The following ABL1 variants were observed in gnomAD, a reference collection of about 807,000 sequenced individuals.
ABL1 encodes tyrosine-protein kinase ABL1.
A neutral mutation model predicts 94.7 loss-of-function variants in ABL1; 11 were observed. The ratio of observed to expected loss-of-function variants is 0.12; its 90% confidence interval spans 0.07 to 0.19. The LOEUF (loss-of-function observed/expected upper bound fraction) is 0.19. Among genes scored for constraint, ABL1 ranks in the 10% least tolerant of loss-of-function variants. ABL1 has a pLI of 1.00. For missense variants in ABL1, 1,082 were observed against 1,489.4 expected (o/e 0.73, Z 4.50); for synonymous variants, 656 against 622.4 (o/e 1.05, Z -0.80).
At chr9:130,820,494 G>A (rs761996988) in intron 1 of ABL1, among the ~76,000 whole-genome samples, 1 of 152,142 alleles carries the variant, frequency 6.6e-6, no homozygotes, top group African/African-American at 2.4e-5. Flanking sequence ...ACCCAGTCTT[G>A]ATCATCTCAT....
chr9:130,810,495 C>T (rs982044880), intron 1 of ABL1, among the ~76,000 whole-genome samples: 1 of 150,546 alleles, frequency 6.6e-6, no homozygotes, highest in Non-Finnish European at 1.5e-5. Flanking sequence ...GATTCCGTCT[C>T]CACAAAAAAG....
chr9:130,713,997 A>T, exon 1 of ABL1: 2 of 276,116 alleles, frequency 7.2e-6, no homozygotes, highest in Non-Finnish European at 1.4e-5. Context: ...ATCCCCTGTG[A>T]ATATTTCTGT....
chr9:130,880,734 T>C lies in ABL1; in HGVS notation c.1678+70T>C. The C allele has an allele frequency of 2.6e-6, 4 of 1,555,118 alleles. No individual in the cohort carries two copies. Among genetic ancestry groups the C allele is most frequent in the Non-Finnish European group, 2.6e-6 (3 of 1,149,088 alleles). On this transcript the variant is annotated intron_variant, in intron 10 of 10. Coordinates refer to ENST00000318560, the MANE Select transcript of ABL1 (RefSeq NM_005157.6). This position sits in a 1 kb window ranked among gnomAD's most constrained non-coding sequence, Gnocchi z 4.4. ...GCCAGAGGCTACATTCAGGCCATCA[T>C]AGGCCAACGGGAAGCTGTGAATGGA...
At chr9:130,799,536 C>A (rs1830027629) in intron 1 of ABL1, among the ~76,000 whole-genome samples, 1 of 152,108 alleles carries the variant, frequency 6.6e-6, no homozygotes, top group Non-Finnish European at 1.5e-5. Context: ...ATAACTTTAT[C>A]CTATGGCCTC....
chr9:130,769,321 G>C lies in ABL1; in HGVS notation c.136+54866G>C, dbSNP rs553087141. On this transcript the variant is annotated intron_variant, in intron 1 of 10. Transcript: ENST00000372348. ...CTTTAATTTGGAGAGCCAAACTATGGCCCTAGTCTTTTTTTTTTTTTTTTT... is the reference window on the plus strand; with the variant it reads ...CTTTAATTTGGAGAGCCAAACTATGCCCCTAGTCTTTTTTTTTTTTTTTTT... Among the ~76,000 whole-genome samples the C allele has an allele frequency of 2.8e-5, 4 of 141,320 alleles. No homozygotes were observed. The East Asian group carries it at 7.9e-4, about 28-fold the overall frequency. The allele number at this position is 141,320 out of a possible 152,430, so 92.7% of individuals were successfully genotyped here. A position where few individuals can be genotyped will look rare whatever the true frequency, so the allele number is the denominator to read the frequency against.
chr9:130,829,124 A>G (rs1830462641), intron 1 of ABL1, among the ~76,000 whole-genome samples: 1 of 152,212 alleles, frequency 6.6e-6, no homozygotes, highest in Non-Finnish European at 1.5e-5. Context: ...TTCATTTGGG[A>G]AAATTATTTT....
At chr9:130,751,311 T>G (rs1831964128) in intron 1 of ABL1, among the ~76,000 whole-genome samples, 1 of 151,334 alleles carries the variant, frequency 6.6e-6, no homozygotes, top group African/African-American at 2.4e-5. Context: ...CCAGCTAAAT[T>G]TTTGTATTTT....
Position 130,840,795 on chromosome 9 carries a change from A to C in ABL1, c.79+5270A>C, listed in dbSNP as rs550958876. On this transcript the variant is annotated intron_variant, in intron 1 of 10. Coordinates refer to ENST00000318560, the MANE Select transcript of ABL1 (RefSeq NM_005157.6). Reference sequence around the variant, plus strand: ...CAGCCTCCCAAAGTGCTGGGATTACAGGCATGAGCCACTGCACCCAGCCTA... The same window carrying C: ...CAGCCTCCCAAAGTGCTGGGATTACCGGCATGAGCCACTGCACCCAGCCTA... 2.6e-5 allele frequency among the ~76,000 whole-genome samples: 4 copies of C among 152,234 alleles called. No homozygotes were observed. In the South Asian group the frequency reaches 8.3e-4, roughly 32 times the overall value.
chr9:130,874,973 T>G lies in ABL1; in HGVS notation c.1191T>G (p.Ala397=), dbSNP rs777780369. The G allele has an allele frequency of 6.2e-7, 1 of 1,614,112 alleles. No homozygotes were observed. The highest frequency in any genetic ancestry group is 1.3e-5 in the African/African-American group (1 of 74,928). ...CAGGGGACACCTACACAGCCCATGC[T>G]GGAGCCAAGTTCCCCATCAAATGGA... The part of the protein sequence containing the change: ...LMTGDTYTAH[A]GAKFPIKWTA... The change falls in exon 7 of 11, where the codon GCT becomes GCG. Residue 397 remains alanine, a synonymous_variant. Transcript: ENST00000318560.
intron 1 of ABL1, among the ~76,000 whole-genome samples, chr9:130,725,255 C>T (rs1831566348): frequency 1.3e-5 from 2 of 152,142 alleles, no homozygotes; most frequent in Non-Finnish European, 2.9e-5. Flanking sequence ...TCTTTCCCCA[C>T]TTCTTGGTAA....
chr9:130,730,088 C>T (rs553781550), intron 1 of ABL1, among the ~76,000 whole-genome samples: 3 of 128,764 alleles, frequency 2.3e-5, no homozygotes, highest in Admixed American at 8.5e-5. Context: ...TTGTTGCCCA[C>T]GCTGGAGTGC....
chr9:130,822,398 GC>G (rs1830373597), intron 1 of ABL1, among the ~76,000 whole-genome samples: 1 of 149,310 alleles, frequency 6.7e-6, no homozygotes, highest in Non-Finnish European at 1.5e-5. Context: ...CCATGTCCTT[GC>G]CAATAGTTGG....
At chr9:130,772,178 C>G (rs1469801132) in intron 1 of ABL1, among the ~76,000 whole-genome samples, 2 of 152,206 alleles carry the variant, frequency 1.3e-5, no homozygotes, top group Admixed American at 6.5e-5. Flanking sequence ...ATGGATACTT[C>G]TAAGCAGTTG....
intron 1 of ABL1, among the ~76,000 whole-genome samples, chr9:130,820,792 CAT>C (rs1016611049): frequency 6.6e-6 from 1 of 152,186 alleles, no homozygotes; most frequent in Non-Finnish European, 1.5e-5. Context: ...AATCATATAA[CAT>C]ATTGCTTTTT....
intron 1 of ABL1, among the ~76,000 whole-genome samples, chr9:130,730,199 A>C (rs7045615): frequency 0.33 from 49,898 of 151,258 alleles, 12,176 homozygotes; most frequent in African/African-American, 0.67. Context: ...TGTGCCACCA[A>C]ACCCAGCTAA....
At chr9:130,774,153 A>G (rs1449740458) in intron 1 of ABL1, among the ~76,000 whole-genome samples, 1 of 152,204 alleles carries the variant, frequency 6.6e-6, no homozygotes, top group Non-Finnish European at 1.5e-5. Context: ...TGGATGGACC[A>G]TAATTTGTTT....
At chr9:130,824,865 GAA>G (rs1391609650) in intron 1 of ABL1, among the ~76,000 whole-genome samples, 2 of 152,108 alleles carry the variant, frequency 1.3e-5, no homozygotes, top group Non-Finnish European at 2.9e-5. Context: ...CTTTAAGGAA[GAA>G]AAAGAGCAGT....
chr9:130,868,688 T>G (rs1831200898), intron 4 of ABL1, among the ~76,000 whole-genome samples: 2 of 151,692 alleles, frequency 1.3e-5, no homozygotes, highest in Non-Finnish European at 2.9e-5. Flanking sequence ...GCCCGGCTAA[T>G]TTTTGCATTT....
intron 1 of ABL1, among the ~76,000 whole-genome samples, chr9:130,781,400 T>G (rs565091987): frequency 6.6e-6 from 1 of 152,338 alleles, no homozygotes; most frequent in East Asian, 1.9e-4. Flanking sequence ...TCTTAGCTGC[T>G]TTTGGACTCC....
Sources: allele counts gnomAD v4.1 joint callset (sites outside exome capture counted in the v4.1 genomes callset), GRCh38; gene constraint gnomAD v4.1.1; non-coding constraint Gnocchi (gnomAD v3.1); transcripts MANE v1.5; gene names NCBI Gene and HGNC (gene_info 2026-07-23, HGNC 2026-07-21).